Variants in NRXN3 observed in about 807,000 individuals in gnomAD.
The protein encoded by NRXN3 is neurexin 3.
A neutral mutation model predicts 137.6 loss-of-function variants in NRXN3; 32 were observed. That is an observed-to-expected ratio of 0.23 (90% CI 0.18 to 0.31). The LOEUF (loss-of-function observed/expected upper bound fraction) is 0.31, where lower values mean the gene tolerates loss of function less well. Among genes scored for constraint, NRXN3 ranks in the 10% least tolerant of loss-of-function variants. The probability of loss-of-function intolerance (pLI) is 1.00; values close to 1 mark genes in which losing one functional copy is unlikely to be tolerated. For synonymous variants in NRXN3, 798 were observed against 784.5 expected (o/e 1.02, Z -0.29); for missense variants, 1,574 against 2,062.5 (o/e 0.76, Z 4.59).
At chr14:79,594,509 T>C (rs1218636638) in intron 16 of NRXN3, among the ~76,000 whole-genome samples, 4 of 152,226 alleles carry the variant, frequency 2.6e-5, no homozygotes, top group Non-Finnish European at 5.9e-5. Flanking sequence ...AGATGGTCCA[T>C]GAAGTAAGTT....
At chr14:79,681,704 T>C (rs116985280) in intron 17 of NRXN3, among the ~76,000 whole-genome samples, 2,486 of 151,664 alleles carry the variant, frequency 0.016, 29 homozygotes, top group Middle Eastern at 0.025. Flanking sequence ...AGTAAGAGTC[T>C]CACTGCCAAG....
intron 16 of NRXN3, among the ~76,000 whole-genome samples, chr14:79,660,773 A>G (rs1248681697): frequency 4.6e-5 from 7 of 152,254 alleles, no homozygotes; most frequent in Non-Finnish European, 8.8e-5. Context: ...CCATGCATCC[A>G]GGATTTATGT....
At chr14:79,358,059 G>A (rs1227642682) in intron 15 of NRXN3, among the ~76,000 whole-genome samples, 2 of 152,208 alleles carry the variant, frequency 1.3e-5, no homozygotes, top group Non-Finnish European at 2.9e-5. Context: ...ACAGGAGACT[G>A]TGTAATCACT....
chr14:78,490,058 GCACA>G (rs1368466457), intron 4 of NRXN3, among the ~76,000 whole-genome samples: 24 of 152,176 alleles, frequency 1.6e-4, no homozygotes, highest in African/African-American at 2.9e-4. Flanking sequence ...GGGACTGCAG[GCACA>G]TGCCACCATG....
At chr14:79,252,660 G>A (rs1376799555) in intron 15 of NRXN3, among the ~76,000 whole-genome samples, 1 of 152,122 alleles carries the variant, frequency 6.6e-6, no homozygotes, top group African/African-American at 2.4e-5. Context: ...GAGGGTGCGA[G>A]AAAAGTGGGA....
chr14:79,126,438 T>C (rs2056486642), intron 15 of NRXN3, among the ~76,000 whole-genome samples: 1 of 151,528 alleles, frequency 6.6e-6, no homozygotes, highest in Non-Finnish European at 1.5e-5. Context: ...GGTTTTTTGT[T>C]CTTGCGATAG....
chr14:79,223,013 T>C (rs2070088874), intron 15 of NRXN3, among the ~76,000 whole-genome samples: 1 of 152,150 alleles, frequency 6.6e-6, no homozygotes, highest in South Asian at 2.1e-4. Flanking sequence ...ATTGTAGAAT[T>C]AGACAACAAT....
chr14:78,273,433 G>A (rs2073095841), intron 2 of NRXN3, among the ~76,000 whole-genome samples: 1 of 152,238 alleles, frequency 6.6e-6, no homozygotes, highest in Non-Finnish European at 1.5e-5. Flanking sequence ...GAGGATAAGA[G>A]TATTATAAAA....
chr14:79,548,650 C>T (rs1292220218), intron 16 of NRXN3, among the ~76,000 whole-genome samples: 1 of 151,818 alleles, frequency 6.6e-6, no homozygotes, highest in East Asian at 1.9e-4. Flanking sequence ...CTTAAATCTA[C>T]CAAGCCGCAA....
intron 16 of NRXN3, among the ~76,000 whole-genome samples, chr14:79,476,798 C>A (rs2096563590): frequency 6.6e-6 from 1 of 152,066 alleles, no homozygotes; most frequent in Non-Finnish European, 1.5e-5. Context: ...ATAATTGGGG[C>A]AACTAAAGTT....
chr14:79,735,326 A>G (rs1037581110), intron 19 of NRXN3, among the ~76,000 whole-genome samples: 2 of 152,178 alleles, frequency 1.3e-5, no homozygotes, highest in Non-Finnish European at 2.9e-5. Flanking sequence ...GTTAGTTGTC[A>G]ATTGTTACGC....
intron 15 of NRXN3, among the ~76,000 whole-genome samples, chr14:79,173,794 G>A (rs563059165): frequency 6.6e-6 from 1 of 152,178 alleles, no homozygotes; most frequent in East Asian, 1.9e-4. Flanking sequence ...TGTCTCCTTA[G>A]CTGTCCTGAC....
At chr14:79,014,223 G>A (rs552326885) in intron 15 of NRXN3, among the ~76,000 whole-genome samples, 48 of 152,110 alleles carry the variant, frequency 3.2e-4, no homozygotes, top group Non-Finnish European at 5.1e-4. Context: ...AATAAACATA[G>A]TACCCAATAG....
chr14:79,354,991 C>A (rs1194739418), intron 15 of NRXN3, among the ~76,000 whole-genome samples: 3 of 151,990 alleles, frequency 2.0e-5, no homozygotes, highest in East Asian at 1.9e-4. Context: ...ATTCGACTTG[C>A]GGAGTTAGGT....
intron 4 of NRXN3, among the ~76,000 whole-genome samples, chr14:78,415,978 C>T (rs905929325): frequency 2.0e-5 from 3 of 152,096 alleles, no homozygotes; most frequent in Non-Finnish European, 4.4e-5. Context: ...TCTGTTATAG[C>T]AGCCTGAACT....
At position 78,263,593 on chromosome 14, in the gene NRXN3, C is replaced by G. The variant is rs573504871; in HGVS notation, c.710-15052C>G. 6.6e-5 allele frequency among the ~76,000 whole-genome samples: 10 copies of G among 152,128 alleles called. No homozygotes were observed. In the East Asian group the frequency reaches 7.7e-4, roughly 12 times the overall value. ...CCTTATTTTTTCAATTCAGTTTTATCTTACTGAATTATTTTTAACAAGATC... is the reference window on the plus strand; with the variant it reads ...CCTTATTTTTTCAATTCAGTTTTATGTTACTGAATTATTTTTAACAAGATC... On this transcript the variant is annotated intron_variant, in intron 2 of 20. Transcript: ENST00000335750.
rs546955120 is a variant in NRXN3 at position 78,838,403 on chromosome 14, A to G, written c.2275+28059A>G. Among the ~76,000 whole-genome samples the G allele has an allele frequency of 2.3e-3, 350 of 152,330 alleles. 2 individuals are homozygous for G. Among genetic ancestry groups the G allele is most frequent in the Non-Finnish European group, 3.9e-3 (262 of 68,026 alleles). ...CATAGATATTCCTAGTAACTATAGTATAATATAAAATTAAAATCCTATGTG... is the reference window on the plus strand; with the variant it reads ...CATAGATATTCCTAGTAACTATAGTGTAATATAAAATTAAAATCCTATGTG... On this transcript the variant is annotated intron_variant, in intron 10 of 20. Transcript: ENST00000335750.
chr14:78,223,614 G>A (rs1192703598), intron 1 of NRXN3, among the ~76,000 whole-genome samples: 1 of 152,170 alleles, frequency 6.6e-6, no homozygotes, highest in Admixed American at 6.5e-5. Flanking sequence ...GCGTTGGGTT[G>A]TGCCTGTTCT....
chr14:78,685,802 TTTTC>T (rs1489419253), intron 6 of NRXN3, among the ~76,000 whole-genome samples: 1 of 147,276 alleles, frequency 6.8e-6, no homozygotes, highest in Non-Finnish European at 1.5e-5. Flanking sequence ...CAGCTAATGT[TTTTC>T]TTTCTTTTTT....
Sources: gnomAD v4.1 joint callset for allele counts (sites outside exome capture counted in the v4.1 genomes callset) on GRCh38, gnomAD v4.1.1 for gene constraint, MANE v1.5 for transcripts, NCBI Gene and HGNC (gene_info 2026-07-23, HGNC 2026-07-21) for gene names.